SHANK2: variants seen among roughly 807,000 people sequenced by gnomAD.
SHANK2 encodes SH3 and multiple ankyrin repeat domains protein 2.
In SHANK2, 43 loss-of-function variants were observed where a neutral mutation model predicts 133.7. The ratio of observed to expected loss-of-function variants is 0.32; its 90% CI spans 0.25 to 0.41. The LOEUF (loss-of-function observed/expected upper bound fraction) is 0.41, where lower values mean the gene tolerates loss of function less well. SHANK2 is among the 10% of genes least tolerant of loss of function. The pLI is 1.00. For missense variants in SHANK2, 1,994 were observed against 2,235.8 expected, an observed-to-expected ratio of 0.89 and a Z score of 2.18; for synonymous variants, 1,017 against 952.8, an observed-to-expected ratio of 1.07 and a Z score of -1.24.
intron 2 of SHANK2, among the ~76,000 whole-genome samples, chr11:71,194,307 T>C (rs894134711): frequency 4.6e-5 from 7 of 152,102 alleles, no homozygotes; most frequent in Admixed American, 6.5e-5. Flanking sequence ...GTTGATGTCA[T>C]GAAGAGACCC....
At chr11:70,905,601 T>C (rs1243642226) in intron 10 of SHANK2, among the ~76,000 whole-genome samples, 5 of 152,070 alleles carry the variant, frequency 3.3e-5, no homozygotes, top group Non-Finnish European at 7.4e-5. Flanking sequence ...GGAGCCCTCA[T>C]AAATGAGATT....
intron 12 of SHANK2, among the ~76,000 whole-genome samples, chr11:70,810,448 G>A (rs782380366): frequency 7.9e-5 from 12 of 152,200 alleles, no homozygotes; most frequent in African/African-American, 2.4e-4. Flanking sequence ...GCAGGGATGC[G>A]GGGAGGAGAA....
intron 14 of SHANK2, among the ~76,000 whole-genome samples, chr11:70,737,096 C>T (rs546623249): frequency 7.6e-4 from 115 of 152,298 alleles, no homozygotes; most frequent in Non-Finnish European, 1.5e-4. Flanking sequence ...TCCCGAGCCG[C>T]GGGCTACACC....
At chr11:70,488,406 G>A (rs993985824) in intron 24 of SHANK2, among the ~76,000 whole-genome samples, 5 of 152,212 alleles carry the variant, frequency 3.3e-5, no homozygotes, top group South Asian at 2.1e-4. Context: ...GGCTCTGTGC[G>A]TGCTGGGAGG....
At chr11:70,844,587 T>C (rs1388712016) in intron 11 of SHANK2, among the ~76,000 whole-genome samples, 1 of 152,196 alleles carries the variant, frequency 6.6e-6, no homozygotes, top group African/African-American at 2.4e-5. Flanking sequence ...TGCAGCCCTT[T>C]GAGTAATCTC....
rs1377502907 is a variant in SHANK2 at position 70,635,756 on chromosome 11, TA to T, written c.2061+24071del. 8.7e-3 allele frequency among the ~76,000 whole-genome samples: 1,208 copies of T among 138,632 alleles called. 16 individuals carry two copies. Among genetic ancestry groups the T allele is most frequent in the African/African-American group, 0.026 (1,021 of 39,000 alleles). The allele number at this position is 138,632 out of a possible 152,430, so 90.9% of individuals were successfully genotyped here. ...TTAAACATAATACAAAGTATAACTG[TA>T]AAAAAAAAAAGGGGGGAGGAAGTGA... is the stretch of plus-strand genomic sequence containing the variant. On this transcript the variant is annotated intron_variant, in intron 17 of 25. Transcript: ENST00000601538.
intron 5 of SHANK2, among the ~76,000 whole-genome samples, 184 bp from the exon 6 acceptor site, chr11:71,110,233 T>A (rs1175909874): frequency 6.6e-6 from 1 of 152,126 alleles, no homozygotes; most frequent in Admixed American, 6.5e-5. Context: ...GGTCAGGAGA[T>A]CGAGACCATC....
At position 71,080,182 on chromosome 11, in the gene SHANK2, G is replaced by A. The variant is rs1029353528; in HGVS notation, c.913-4907C>T. Among the ~76,000 whole-genome samples the A allele has an allele frequency of 8.6e-3, 1,314 of 152,086 alleles. 22 individuals carry two copies. The highest frequency in any genetic ancestry group is 0.03 in the African/African-American group (1,245 of 41,502). On this transcript the variant is annotated intron_variant, in intron 8 of 25. Coordinates refer to ENST00000601538, the MANE Select transcript of SHANK2 (RefSeq NM_012309.5). ...ACACTGCCCTTGACACCTGCACCCC[G>A]TACCCACTCTCCTGAGGTGCTTTTT...
At chr11:70,796,509 G>C (rs1555049198) in intron 14 of SHANK2, among the ~76,000 whole-genome samples, 1 of 152,228 alleles carries the variant, frequency 6.6e-6, no homozygotes, top group East Asian at 1.9e-4. Context: ...CTCAGGAAGA[G>C]GAGGACTGGA....
At chr11:70,644,203 T>C (rs2061228579) in intron 17 of SHANK2, among the ~76,000 whole-genome samples, 1 of 152,208 alleles carries the variant, frequency 6.6e-6, no homozygotes, top group African/African-American at 2.4e-5. Context: ...TTTGCCATTT[T>C]ACAGTGGCCA....
chr11:70,488,341 C>G (rs1182684649), intron 24 of SHANK2, among the ~76,000 whole-genome samples: 1 of 152,192 alleles, frequency 6.6e-6, no homozygotes, highest in Non-Finnish European at 1.5e-5. Context: ...CCCACGGCTG[C>G]CCAGATGTAC....
intron 11 of SHANK2, among the ~76,000 whole-genome samples, chr11:70,838,770 A>G (rs1555060729): frequency 6.6e-6 from 1 of 152,214 alleles, no homozygotes; most frequent in East Asian, 1.9e-4. Context: ...AAAGGAATTT[A>G]TGTGTAGACT....
At chr11:70,727,086 T>C (rs1309013392) in intron 14 of SHANK2, among the ~76,000 whole-genome samples, 3 of 152,390 alleles carry the variant, frequency 2.0e-5, no homozygotes, top group African/African-American at 4.8e-5. Context: ...ACTTTTGGGA[T>C]AATTTGTTAT....
At chr11:71,079,844 AGGAAG>A (rs1951270577) in intron 8 of SHANK2, among the ~76,000 whole-genome samples, 1 of 88,986 alleles carries the variant, frequency 1.1e-5, no homozygotes, top group Non-Finnish European at 2.2e-5. Flanking sequence ...AGGGAGGGGA[AGGAAG>A]GGGAGGGGAA....
intron 14 of SHANK2, among the ~76,000 whole-genome samples, chr11:70,747,214 G>A (rs540501896): frequency 2.0e-5 from 3 of 152,088 alleles, no homozygotes; most frequent in African/African-American, 7.2e-5. Context: ...AGTGGAAACC[G>A]GTGGCAGAGT....
At chr11:70,620,482 A>C (rs1591659255) in intron 17 of SHANK2, among the ~76,000 whole-genome samples, 1 of 152,200 alleles carries the variant, frequency 6.6e-6, no homozygotes, top group Non-Finnish European at 1.5e-5. Flanking sequence ...GTGGAAATGC[A>C]GTTGCCTGTG....
In SHANK2 at chr11:70,920,241, G is replaced by T. The variant is rs185593675; in HGVS notation, c.1108-23674C>A. Among the ~76,000 whole-genome samples the T allele has an allele frequency of 3.3e-5, 5 of 152,218 alleles. No individual in the cohort carries two copies. The East Asian group carries it at 9.7e-4, about 29-fold the overall frequency. On this transcript the variant is annotated intron_variant, in intron 10 of 25. Coordinates refer to ENST00000601538, the MANE Select transcript of SHANK2 (RefSeq NM_012309.5). Reference sequence around the variant, plus strand: ...ATTTTAAAAGCACTCTCTATAAATAGAAATATTATGTATGTATGCATGTAT... The same window carrying T: ...ATTTTAAAAGCACTCTCTATAAATATAAATATTATGTATGTATGCATGTAT...
intron 14 of SHANK2, among the ~76,000 whole-genome samples, chr11:70,793,714 T>C (rs1245021792): frequency 1.3e-5 from 2 of 152,140 alleles, no homozygotes; most frequent in South Asian, 2.1e-4. Context: ...CAACTGGAAC[T>C]CTCACACACT....
At chr11:70,517,392 T>C (rs1295670592) in intron 17 of SHANK2, among the ~76,000 whole-genome samples, 1 of 152,220 alleles carries the variant, frequency 6.6e-6, no homozygotes, top group East Asian at 1.9e-4. Context: ...GAGAACAGGT[T>C]CATACAAAAA....
Sources: gnomAD v4.1 joint callset for allele counts (sites outside exome capture counted in the v4.1 genomes callset) on GRCh38, gnomAD v4.1.1 for gene constraint, MANE v1.5 for transcripts, NCBI Gene and HGNC (gene_info 2026-07-23, HGNC 2026-07-21) for gene names.